Variants in CBR4 observed in about 807,000 individuals in gnomAD.
The protein encoded by CBR4 is carbonyl reductase 4, also known as 3-oxoacyl-[acyl-carrier-protein] reductase.
In CBR4, 22 loss-of-function variants were observed where a neutral mutation model predicts 21.0. The observed-to-expected ratio is 1.05, with a 90% CI of 0.75 to 1.50. The LOEUF (loss-of-function observed/expected upper bound fraction) is 1.50. CBR4 is among the 40% of genes most tolerant of loss of function. The probability of loss-of-function intolerance (pLI) is 0.00; values close to 1 mark genes in which losing one functional copy is unlikely to be tolerated. For missense variants in CBR4, 302 were observed against 286.3 expected, an observed-to-expected ratio of 1.05 and a Z score of -0.40; for synonymous variants, 100 against 104.4, an observed-to-expected ratio of 0.96 and a Z score of 0.26.
chr4:168,896,812 T>G (rs1755282956), intron 2 of CBR4, among the ~76,000 whole-genome samples: 1 of 152,052 alleles, frequency 6.6e-6, no homozygotes, highest in African/African-American at 2.4e-5. Flanking sequence ...TTTATTTATT[T>G]TTACTTTATG....
intron 2 of CBR4, among the ~76,000 whole-genome samples, chr4:168,918,681 G>A (rs1009460293): frequency 8.6e-5 from 13 of 151,856 alleles, no homozygotes; most frequent in African/African-American, 2.2e-4. Context: ...GGTTTTAAGT[G>A]TTCTTACTAC....
chr4:169,003,098 G>T (rs1033785236), intron 3 of CBR4, among the ~76,000 whole-genome samples: 1 of 152,140 alleles, frequency 6.6e-6, no homozygotes, highest in Non-Finnish European at 1.5e-5. Context: ...TGGATCAAGG[G>T]ATAATTCTGA....
At chr4:168,997,864 A>G (rs891342448) in intron 4 of CBR4, among the ~76,000 whole-genome samples, 5 of 152,218 alleles carry the variant, frequency 3.3e-5, no homozygotes, top group Non-Finnish European at 7.3e-5. Flanking sequence ...GGACTCAAAA[A>G]GAACAAAAAC....
chr4:168,994,058 G>A (rs1765058350), intron 4 of CBR4, among the ~76,000 whole-genome samples: 1 of 152,194 alleles, frequency 6.6e-6, no homozygotes, highest in South Asian at 2.1e-4. Context: ...AGTGTGGAGT[G>A]GGAAATCAGG....
In CBR4 at chr4:168,924,924, T is replaced by A. The variant is rs756363802; in HGVS notation, n.170-30159A>T. ...ACTTTTAAAAAATTTAGAACCCTAATGACTTTATCCTTTTCTCCAGCATGC... is the reference window on the plus strand; with the variant it reads ...ACTTTTAAAAAATTTAGAACCCTAAAGACTTTATCCTTTTCTCCAGCATGC... On this transcript the variant is annotated intron_variant and non_coding_transcript_variant, in intron 2 of 3. Coordinates refer to the CBR4 transcript ENST00000509108. 2.4e-5 allele frequency: 38 copies of A among 1,613,886 alleles called. No individual in the cohort carries two copies. The Admixed American group carries it at 6.3e-4, about 27-fold the overall frequency.
intron 2 of CBR4, chr4:168,926,248 A>C: frequency 6.5e-7 from 1 of 1,536,542 alleles, no homozygotes. Context: ...CACCAAGCCA[A>C]AAAAAGTACG....
rs1730477220 is a variant in CBR4, at chr4:169,001,913, CA to C, written c.535+157del. The C allele has an allele frequency of 8.5e-5, 52 of 614,174 alleles. 1 individual carries two copies. The South Asian group carries it at 1.5e-3, about 17-fold the overall frequency. 38.0% of individuals were successfully genotyped at this position (614,174 alleles called of 1,614,324 possible). ...TAGACTTTATATAGAATATGAGGTA[CA>C]AAAAATTTTTTTGAGTCCCCCAGTT... On this transcript the variant is annotated intron_variant, in intron 4 of 4. Coordinates refer to ENST00000306193, the MANE Select transcript of CBR4 (RefSeq NM_032783.5).
At chr4:168,962,448 A>G (rs1230083711) in intron 2 of CBR4, among the ~76,000 whole-genome samples, 2 of 152,222 alleles carry the variant, frequency 1.3e-5, no homozygotes, top group Non-Finnish European at 2.9e-5. Flanking sequence ...GATATGATTA[A>G]TGAGTAAATG....
At chr4:169,008,309 A>C (rs185072272) in intron 1 of CBR4, among the ~76,000 whole-genome samples, 1 of 152,170 alleles carries the variant, frequency 6.6e-6, no homozygotes, top group East Asian at 1.9e-4. Context: ...CTAAAACTAC[A>C]AACCACGGGG....
In CBR4 at chr4:169,006,961, A is replaced by G. The variant is rs932922289; in HGVS notation, c.264-70T>C. On this transcript the variant is annotated intron_variant, in intron 2 of 4. Coordinates refer to ENST00000306193, the MANE Select transcript of CBR4 (RefSeq NM_032783.5). Reference sequence around the variant, plus strand: ...AAACCAAAAAGGTCAAGACTAATGTAACATTTTTACTGAGAGTGCAAGAAG... The same window carrying G: ...AAACCAAAAAGGTCAAGACTAATGTGACATTTTTACTGAGAGTGCAAGAAG... The G allele has an allele frequency of 8.7e-6, 11 of 1,266,288 alleles. No individual in the cohort carries two copies. In the Admixed American group the frequency reaches 1.8e-4, roughly 21 times the overall value. 78.4% of individuals were successfully genotyped at this position (1,266,288 alleles called of 1,614,324 possible).
In CBR4 at chr4:168,894,604, C is replaced by T; in HGVS notation, n.331G>A. The T allele has an allele frequency of 6.2e-7, 1 of 1,613,318 alleles. No homozygotes were observed. The highest frequency in any genetic ancestry group is 8.5e-7 in the Non-Finnish European group (1 of 1,179,460). Reference sequence around the variant, plus strand: ...AGGTTAACATACGAAGAAAGAATGGCTCGTCGACTGCTAGGTGCTGACAGT... The same window carrying T: ...AGGTTAACATACGAAGAAAGAATGGTTCGTCGACTGCTAGGTGCTGACAGT... On this transcript the variant is annotated non_coding_transcript_exon_variant, in exon 3 of 4. Transcript: ENST00000509108.
intron 2 of CBR4, among the ~76,000 whole-genome samples, chr4:168,939,964 A>C (rs998307730): frequency 7.2e-5 from 11 of 152,172 alleles, no homozygotes; most frequent in Non-Finnish European, 4.4e-5. Flanking sequence ...GAACCAAAAA[A>C]AGAGCCCGCA....
chr4:168,998,819 T>C (rs1730153865), intron 4 of CBR4, among the ~76,000 whole-genome samples: 1 of 152,172 alleles, frequency 6.6e-6, no homozygotes, highest in African/African-American at 2.4e-5. Context: ...CATGATACAA[T>C]TTGTGTTTTC....
intron 2 of CBR4, among the ~76,000 whole-genome samples, chr4:168,931,888 C>T (rs1257075087): frequency 6.6e-6 from 1 of 152,076 alleles, no homozygotes; most frequent in Non-Finnish European, 1.5e-5. Flanking sequence ...CCACCTAGAA[C>T]CAAAGCCAAC....
At chr4:168,959,110 A>G (rs996995472) in intron 2 of CBR4, among the ~76,000 whole-genome samples, 2 of 152,146 alleles carry the variant, frequency 1.3e-5, no homozygotes, top group African/African-American at 2.4e-5. Flanking sequence ...CTAAGGAATC[A>G]CTGCCTACCC....
intron 4 of CBR4, among the ~76,000 whole-genome samples, chr4:168,998,397 T>C (rs577802199): frequency 1.3e-5 from 2 of 152,294 alleles, no homozygotes; most frequent in South Asian, 4.1e-4. Flanking sequence ...TTTTCTGTTT[T>C]CATTCAGTCA....
rs1431878477 is a variant in CBR4, at chr4:168,903,870, T to C, written n.170-9105A>G. The C allele has an allele frequency of 1.9e-6, 3 of 1,614,084 alleles. No individual in the cohort carries two copies. Among genetic ancestry groups the C allele is most frequent in the East Asian group, 4.5e-5 (2 of 44,872 alleles). ...ATACCACAGCCTCCACCCTAGATGATGATGGGAATTATACAATTATGGCTG... is the reference window on the plus strand; with the variant it reads ...ATACCACAGCCTCCACCCTAGATGACGATGGGAATTATACAATTATGGCTG... On this transcript the variant is annotated intron_variant and non_coding_transcript_variant, in intron 2 of 3. Transcript: ENST00000509108.
intron 2 of CBR4, among the ~76,000 whole-genome samples, chr4:168,962,986 T>C (rs529414286): frequency 2.0e-4 from 31 of 152,220 alleles, no homozygotes; most frequent in Non-Finnish European, 4.3e-4. Context: ...CAAACACTTA[T>C]ACTTTAACAA....
chr4:168,938,518 T>A (rs1215667311), intron 2 of CBR4, among the ~76,000 whole-genome samples: 3 of 152,046 alleles, frequency 2.0e-5, no homozygotes, highest in Admixed American at 2.0e-4. Flanking sequence ...AATCAATGAA[T>A]CCAGAAGCTG....
Sources: allele counts gnomAD v4.1 joint callset (sites outside exome capture counted in the v4.1 genomes callset), GRCh38; gene constraint gnomAD v4.1.1; transcripts MANE v1.5; gene names NCBI Gene and HGNC (gene_info 2026-07-23, HGNC 2026-07-21).